Variants in PHIP observed in about 807,000 individuals in gnomAD.
PHIP encodes PHIP subunit of CUL4-Ring ligase complex.
A neutral mutation model predicts 236.8 loss-of-function variants in PHIP; 54 were observed. The observed-to-expected ratio is 0.23, with a 90% CI of 0.18 to 0.29. PHIP has a LOEUF of 0.29. Among genes scored for constraint, PHIP ranks in the 10% least tolerant of loss-of-function variants. PHIP has a pLI of 1.00. For missense variants in PHIP, 1,370 were observed against 2,190.8 expected (o/e 0.63, Z 7.48); for synonymous variants, 756 against 718.9 (o/e 1.05, Z -0.83).
intron 23 of PHIP, among the ~76,000 whole-genome samples, chr6:78,981,540 T>C (rs976523389): frequency 1.3e-5 from 2 of 151,964 alleles, no homozygotes; most frequent in East Asian, 1.9e-4. Flanking sequence ...ATGTTAACAA[T>C]AGATCTATAT....
At chr6:78,961,043 T>G (rs775231924) in intron 31 of PHIP, among the ~76,000 whole-genome samples, 1 of 152,088 alleles carries the variant, frequency 6.6e-6, no homozygotes, top group Non-Finnish European at 1.5e-5. Context: ...TTCCATTATT[T>G]AAAAACTATA....
chr6:79,054,680 A>C (rs1466508058), intron 6 of PHIP, among the ~76,000 whole-genome samples: 3 of 151,270 alleles, frequency 2.0e-5, no homozygotes, highest in Admixed American at 2.0e-4. Flanking sequence ...AAAAATTCTA[A>C]TAATTATGTA....
chr6:78,946,406 C>A, intron 37 of PHIP, 146 bp from the exon 38 acceptor site: 1 of 1,390,998 alleles, frequency 7.2e-7, no homozygotes, highest in Non-Finnish European at 9.4e-7. Context: ...TGATTGTGAG[C>A]CTTTGAAAGT....
chr6:79,001,304 C>T (rs998296643), intron 17 of PHIP, among the ~76,000 whole-genome samples: 4 of 152,032 alleles, frequency 2.6e-5, no homozygotes, highest in Non-Finnish European at 5.9e-5. Flanking sequence ...TTCAACACTC[C>T]ATTATACTTC....
chr6:79,077,628 C>T, intron 3 of PHIP, 72 bp downstream of exon 3: 1 of 894,598 alleles, frequency 1.1e-6, no homozygotes, highest in Non-Finnish European at 1.3e-6. Context: ...CTGCCGGCGG[C>T]GGCAGCGGCG....
At chr6:78,973,121 CAGAG>C (rs765122681) in intron 24 of PHIP, among the ~76,000 whole-genome samples, 1 of 152,014 alleles carries the variant, frequency 6.6e-6, no homozygotes, top group Non-Finnish European at 1.5e-5. Flanking sequence ...TAAGGGCAGC[CAGAG>C]AGAAAGGTCG....
chr6:79,015,565 A>G (rs1770795996), intron 14 of PHIP, 65 bp downstream of exon 14: 2 of 1,197,748 alleles, frequency 1.7e-6, no homozygotes, highest in Middle Eastern at 5.0e-4. Context: ...TTATTCCTCA[A>G]TGAGAATGTT....
chr6:78,945,616 T>C, intron 38 of PHIP, 119 bp from the exon 39 acceptor site: 1 of 683,358 alleles, frequency 1.5e-6, no homozygotes, highest in East Asian at 2.7e-5. Context: ...TGCTTAAAGC[T>C]TTCTTAGGAA....
At chr6:79,057,611 G>C (rs1420470960) in intron 6 of PHIP, among the ~76,000 whole-genome samples, 2 of 152,012 alleles carry the variant, frequency 1.3e-5, no homozygotes, top group African/African-American at 2.4e-5. Context: ...CTTAAGAAAA[G>C]CTAAAATATC....
At chr6:78,982,714 G>T (rs916277249) in intron 23 of PHIP, among the ~76,000 whole-genome samples, 172 bp downstream of exon 23, 2 of 151,906 alleles carry the variant, frequency 1.3e-5, no homozygotes, top group Non-Finnish European at 2.9e-5. Context: ...CTAAAAACTC[G>T]AATAAACTAA....
At chr6:79,042,670 T>C (rs1391499156) in intron 7 of PHIP, among the ~76,000 whole-genome samples, 173 bp downstream of exon 7, 1 of 152,080 alleles carries the variant, frequency 6.6e-6, no homozygotes, top group Non-Finnish European at 1.5e-5. Context: ...ACTTTCTGAA[T>C]TTGGATAAAG....
chr6:79,053,170 C>T (rs1772885961), intron 6 of PHIP, among the ~76,000 whole-genome samples: 2 of 151,904 alleles, frequency 1.3e-5, no homozygotes, highest in African/African-American at 4.8e-5. Flanking sequence ...AAAAATTAGC[C>T]GGGTGTGGTG....
chr6:79,020,209 T>C (rs1208600175), intron 9 of PHIP, among the ~76,000 whole-genome samples: 1 of 152,090 alleles, frequency 6.6e-6, no homozygotes, highest in Non-Finnish European at 1.5e-5. Flanking sequence ...TGGCAAAAAC[T>C]GCAATTATTT....
intron 6 of PHIP, among the ~76,000 whole-genome samples, chr6:79,049,329 T>C (rs1269278272): frequency 1.3e-5 from 2 of 152,178 alleles, no homozygotes; most frequent in Non-Finnish European, 2.9e-5. Flanking sequence ...CCCAAAGTGC[T>C]GGGATTACAG....
intron 31 of PHIP, among the ~76,000 whole-genome samples, chr6:78,961,156 C>T (rs1191331282): frequency 6.6e-6 from 1 of 151,884 alleles, no homozygotes; most frequent in Non-Finnish European, 1.5e-5. Context: ...TGAAATTATG[C>T]CTGGGCCATT....
chr6:78,980,785 T>C (rs1320488943), intron 23 of PHIP, among the ~76,000 whole-genome samples: 1 of 151,958 alleles, frequency 6.6e-6, no homozygotes, highest in Non-Finnish European at 1.5e-5. Flanking sequence ...TAAAAGTTTG[T>C]TTGAAAAAGG....
chr6:79,071,172 T>C (rs150533195), intron 4 of PHIP, among the ~76,000 whole-genome samples: 5,623 of 152,324 alleles, frequency 0.037, 103 homozygotes, highest in Middle Eastern at 0.058. Context: ...TGTTTTTGAG[T>C]GTGTAAGGTA....
At chr6:78,990,816 G>A in intron 20 of PHIP, 52 bp downstream of exon 20, 6 of 951,242 alleles carry the variant, frequency 6.3e-6, no homozygotes, top group Non-Finnish European at 9.7e-6. Context: ...GCCTTAAAAT[G>A]GTCACTATAC....
intron 17 of PHIP, among the ~76,000 whole-genome samples, chr6:79,000,350 GAAGA>G (rs1243949872): frequency 6.6e-6 from 1 of 151,852 alleles, no homozygotes; most frequent in Non-Finnish European, 1.5e-5. Context: ...ATTTTATATG[GAAGA>G]AAGAATAATG....
Sources: gnomAD v4.1 joint callset for allele counts (sites outside exome capture counted in the v4.1 genomes callset) on GRCh38, gnomAD v4.1.1 for gene constraint, MANE v1.5 for transcripts, NCBI Gene and HGNC (gene_info 2026-07-23, HGNC 2026-07-21) for gene names.